UCK2: variants seen among roughly 807,000 people sequenced by gnomAD.
UCK2 encodes the protein cytidine monophosphokinase 2.
UCK2 carries 6 observed loss-of-function variants against 30.8 expected under a neutral mutation model. The ratio of observed to expected loss-of-function variants is 0.19; its 90% CI spans 0.11 to 0.38. The LOEUF (loss-of-function observed/expected upper bound fraction) is 0.38. Ranked by LOEUF, UCK2 falls within the 10% of genes least tolerant of loss-of-function variation. The pLI is 1.00. For synonymous variants in UCK2, 125 were observed against 133.6 expected, an observed-to-expected ratio of 0.94 and a Z score of 0.45; for missense variants, 210 against 339.8, an observed-to-expected ratio of 0.62 and a Z score of 3.00.
intron 1 of UCK2, among the ~76,000 whole-genome samples, chr1:165,880,202 G>C (rs1396594338): frequency 6.6e-6 from 1 of 152,182 alleles, no homozygotes; most frequent in African/African-American, 2.4e-5. Flanking sequence ...TTTAAGAACG[G>C]AGGAAAGTCA....
intron 4 of UCK2, among the ~76,000 whole-genome samples, chr1:165,899,214 A>G (rs1306419629): frequency 6.6e-6 from 1 of 151,072 alleles, no homozygotes; most frequent in Middle Eastern, 3.2e-3. Context: ...CCTGGAAACT[A>G]CCTCCTTCCT....
rs1454074952 is a variant in UCK2, at chr1:165,908,373, G to A, written c.*550G>A. On this transcript the variant is annotated 3_prime_UTR_variant, in exon 7 of 7. Coordinates refer to ENST00000367879, the MANE Select transcript of UCK2 (RefSeq NM_012474.5). ...GCCTCCTCTGTCACATGCCACTCTT[G>A]GAGCTGGAGCTTAGTGATATGTCAA... 6.6e-6 allele frequency: 1 copy of A among 151,870 alleles called. No individual in the cohort carries two copies. Among genetic ancestry groups the A allele is most frequent in the African/African-American group, 2.4e-5 (1 of 41,322 alleles). 9.4% of individuals were successfully genotyped at this position (151,870 alleles called of 1,614,324 possible).
chr1:165,901,774 C>A (rs545283441), intron 4 of UCK2, among the ~76,000 whole-genome samples: 2 of 152,172 alleles, frequency 1.3e-5, no homozygotes, highest in South Asian at 4.1e-4. Context: ...TCATGTACAG[C>A]GGCAGAATGA....
chr1:165,857,778 C>T (rs1654786982), intron 1 of UCK2, among the ~76,000 whole-genome samples: 1 of 152,188 alleles, frequency 6.6e-6, no homozygotes, highest in Admixed American at 6.5e-5. Flanking sequence ...TCCCCTGCAG[C>T]TTTGGCTGAC....
Position 165,897,478 on chromosome 1 carries a change from G to A in UCK2, c.499+1146G>A, listed in dbSNP as rs373092479. ...CCCAGCAAGGGCAGTGGGTGGAGGC[G>A]ACTGAATAGAGGAATGAAAGGTGAG... On this transcript the variant is annotated intron_variant, in intron 4 of 6. Transcript: ENST00000367879. 1.3e-3 allele frequency among the ~76,000 whole-genome samples: 192 copies of A among 152,226 alleles called. 4 individuals carry two copies. In the South Asian group the frequency reaches 0.038, roughly 30 times the overall value.
At chr1:165,865,855 A>G (rs1276204162) in intron 1 of UCK2, among the ~76,000 whole-genome samples, 1 of 152,222 alleles carries the variant, frequency 6.6e-6, no homozygotes, top group East Asian at 1.9e-4. Context: ...GCTTTCATCA[A>G]CAGTGACAGA....
At chr1:165,840,516 C>T (rs531588298) in intron 1 of UCK2, among the ~76,000 whole-genome samples, 6 of 152,318 alleles carry the variant, frequency 3.9e-5, no homozygotes, top group Admixed American at 2.6e-4. Context: ...TCAGTCTTGC[C>T]GTCCAGTTCT....
At chr1:165,902,480 C>T (rs1342256427) in intron 4 of UCK2, 5 of 150,946 alleles carry the variant, frequency 3.3e-5, no homozygotes, top group African/African-American at 9.7e-5. Context: ...TAAAACTGAC[C>T]GGGGGAAGAA....
intron 4 of UCK2, among the ~76,000 whole-genome samples, chr1:165,900,889 G>A (rs925469817): frequency 3.3e-5 from 5 of 152,230 alleles, no homozygotes; most frequent in Non-Finnish European, 5.9e-5. Flanking sequence ...GCCCAAGCAC[G>A]GGTGTGTTTG....
At chr1:165,842,167 C>T (rs747224780) in intron 1 of UCK2, among the ~76,000 whole-genome samples, 4 of 152,170 alleles carry the variant, frequency 2.6e-5, no homozygotes, top group Non-Finnish European at 4.4e-5. Context: ...TGGCTTTCTT[C>T]ACTCTCACCA....
At chr1:165,885,661 G>A (rs532891798) in intron 1 of UCK2, among the ~76,000 whole-genome samples, 342 of 152,314 alleles carry the variant, frequency 2.2e-3, no homozygotes, top group Non-Finnish European at 3.7e-3. Context: ...GTGAGACAGC[G>A]CTATGCAGCT....
chr1:165,841,061 C>T (rs917913320), intron 1 of UCK2, among the ~76,000 whole-genome samples: 6 of 151,070 alleles, frequency 4.0e-5, no homozygotes, highest in Non-Finnish European at 8.8e-5. Flanking sequence ...GTAACTTAGC[C>T]TTGTACAGGA....
intron 1 of UCK2, among the ~76,000 whole-genome samples, chr1:165,875,730 G>A (rs1432140362): frequency 2.6e-5 from 4 of 152,200 alleles, no homozygotes; most frequent in Admixed American, 1.3e-4. Flanking sequence ...ATTTTGCAAA[G>A]GACACAGATG....
intron 1 of UCK2, among the ~76,000 whole-genome samples, chr1:165,868,140 A>G (rs905222359): frequency 5.3e-5 from 8 of 152,184 alleles, no homozygotes; most frequent in Non-Finnish European, 7.3e-5. Context: ...ATCTTTTTTT[A>G]TGAGCAATAG....
intron 2 of UCK2, chr1:165,890,692 G>C (rs370820775): frequency 9.9e-6 from 3 of 301,846 alleles, no homozygotes; most frequent in African/African-American, 2.1e-5. Context: ...GGCAGCCCTC[G>C]TCAGACCCTC....
chr1:165,832,386 A>C (rs1240521678), intron 1 of UCK2, among the ~76,000 whole-genome samples: 2 of 152,200 alleles, frequency 1.3e-5, no homozygotes, highest in African/African-American at 4.8e-5. Context: ...AGGGGAAATA[A>C]GGATTTAAGA....
intron 1 of UCK2, among the ~76,000 whole-genome samples, chr1:165,878,214 C>T (rs1655388495): frequency 6.6e-6 from 1 of 152,164 alleles, no homozygotes; most frequent in African/African-American, 2.4e-5. Flanking sequence ...TTAAGAATGT[C>T]ATATACTGTA....
intron 1 of UCK2, among the ~76,000 whole-genome samples, chr1:165,876,989 A>G (rs1655353325): frequency 6.6e-6 from 1 of 152,224 alleles, no homozygotes; most frequent in African/African-American, 2.4e-5. Flanking sequence ...TAACTTAATT[A>G]CATGTGCAAA....
intron 1 of UCK2, among the ~76,000 whole-genome samples, chr1:165,872,049 G>A (rs1410751845): frequency 1.1e-4 from 17 of 149,390 alleles, no homozygotes; most frequent in South Asian, 2.1e-4. Flanking sequence ...TCTTTTTGCC[G>A]GCTGCTCTAG....
Sources: allele counts gnomAD v4.1 joint callset (sites outside exome capture counted in the v4.1 genomes callset), GRCh38; gene constraint gnomAD v4.1.1; transcripts MANE v1.5; gene names NCBI Gene and HGNC (gene_info 2026-07-23, HGNC 2026-07-21).